Variants in CCDC6 observed in about 807,000 individuals in gnomAD.
The protein encoded by CCDC6 is coiled-coil domain-containing protein 6.
In CCDC6, 20 loss-of-function variants were observed where a neutral mutation model predicts 56.6. The observed-to-expected ratio is 0.35, with a 90% CI of 0.25 to 0.51. CCDC6 has a LOEUF of 0.51. Ranked by LOEUF, CCDC6 falls within the 20% of genes least tolerant of loss-of-function variation. The pLI is 0.95. For missense variants in CCDC6, 367 were observed against 601.1 expected (o/e 0.61, Z 4.07); for synonymous variants, 241 against 234.4 (o/e 1.03, Z -0.26).
intron 1 of CCDC6, among the ~76,000 whole-genome samples, chr10:59,900,825 G>C (rs1373689188): frequency 6.6e-6 from 1 of 152,220 alleles, no homozygotes; most frequent in Non-Finnish European, 1.5e-5. Flanking sequence ...TTGGGAGGCA[G>C]AGGTGGGTGG....
intron 5 of CCDC6, among the ~76,000 whole-genome samples, chr10:59,808,845 G>C (rs1041487702): frequency 3.9e-5 from 6 of 152,268 alleles, no homozygotes; most frequent in African/African-American, 1.4e-4. Flanking sequence ...TGATTTCCAA[G>C]ACAGCATCAT....
intron 2 of CCDC6, among the ~76,000 whole-genome samples, chr10:59,836,513 A>T (rs188268747): frequency 1.4e-4 from 21 of 152,360 alleles, no homozygotes; most frequent in African/African-American, 5.0e-4. Context: ...CTTCCAATAA[A>T]GTCAAAGATC....
At chr10:59,824,737 C>CG (rs1326983489) in intron 3 of CCDC6, among the ~76,000 whole-genome samples, 1 of 152,058 alleles carries the variant, frequency 6.6e-6, no homozygotes, top group Non-Finnish European at 1.5e-5. Flanking sequence ...TCTAGGGGAA[C>CG]GGCAATCTAG....
chr10:59,868,835 G>A (rs2132666746), intron 1 of CCDC6, among the ~76,000 whole-genome samples: 1 of 152,270 alleles, frequency 6.6e-6, no homozygotes, highest in Middle Eastern at 3.4e-3. Context: ...ATGCCACATT[G>A]GGGGAATTAA....
chr10:59,874,056 T>A (rs1396004059), intron 1 of CCDC6, among the ~76,000 whole-genome samples: 1 of 151,410 alleles, frequency 6.6e-6, no homozygotes, highest in Non-Finnish European at 1.5e-5. Context: ...GAAAACGAAG[T>A]GAAAGAATGG....
chr10:59,881,249 G>A (rs1251667729), intron 1 of CCDC6, among the ~76,000 whole-genome samples: 2 of 152,096 alleles, frequency 1.3e-5, no homozygotes, highest in Non-Finnish European at 2.9e-5. Flanking sequence ...AGTCACCCCA[G>A]CCCAGAGAAT....
chr10:59,802,042 T>C (rs1371554979), intron 7 of CCDC6, among the ~76,000 whole-genome samples: 2 of 152,192 alleles, frequency 1.3e-5, no homozygotes, highest in Non-Finnish European at 2.9e-5. Context: ...ACCTATTTTT[T>C]AGACCTCATT....
Position 59,794,552 on chromosome 10 carries a change from G to A in CCDC6, c.1151C>T (p.Ser384Leu). Residue 384 changes from serine to leucine, a missense_variant, in exon 8 of 9, where the codon TCA becomes TTA. Ser to Leu is a moderately radical substitution (Grantham distance 145). Around this residue, in one of 7 missense-constraint regions of CCDC6, gnomAD observed 79 missense variants for 83.9 expected, o/e 0.94. Transcript: ENST00000263102. ...SHTVGFTPPTSLTRAGMSYYN... is the reference protein window; with the variant it reads ...SHTVGFTPPTLLTRAGMSYYN... ...ATAAGACATTCCAGCTCTAGTCAGT[G>A]AAGTTGGTGGCGTGAAACCAACCGT... 1.2e-6 allele frequency: 2 copies of A among 1,613,918 alleles called. No individual in the cohort carries two copies. Among genetic ancestry groups the A allele is most frequent in the Non-Finnish European group, 1.7e-6 (2 of 1,179,758 alleles).
In CCDC6 at chr10:59,792,589, A is replaced by C. The variant is rs770737539; in HGVS notation, c.*328T>G. On this transcript the variant is annotated 3_prime_UTR_variant, in exon 9 of 9. Coordinates refer to ENST00000263102, the MANE Select transcript of CCDC6 (RefSeq NM_005436.5). ...TCCCTTTTTCTTTTACAAACCTAAA[A>C]GCCAGGAGAATGAAGCTCTGGGCCA... is the stretch of plus-strand genomic sequence containing the variant. 1.5e-6 allele frequency: 1 copy of C among 651,842 alleles called. No individual in the cohort carries two copies. The highest frequency in any genetic ancestry group is 2.9e-6 in the Non-Finnish European group (1 of 346,728). The allele number at this position is 651,842 out of a possible 1,614,324, so 40.4% of individuals were successfully genotyped here.
rs2070683415 is a variant in CCDC6 at position 59,812,794 on chromosome 10, T to C, written c.688A>G (p.Ile230Val). ...RMDKLEAEKR[I>V]LQEKLDQPVS... ...GGCTGGTCTAATTTTTCCTGCAGGATTCTTCATTGAAAAGAAAAATTCCAA... is the reference window on the plus strand; with the variant it reads ...GGCTGGTCTAATTTTTCCTGCAGGACTCTTCATTGAAAAGAAAAATTCCAA... The change falls in exon 5 of 9, where the codon ATC (isoleucine) becomes GTC (valine). Residue 230 changes from isoleucine to valine, a missense_variant and splice_region_variant. By Grantham distance (29) the Ile-to-Val change is conservative. Around this residue, in one of 7 missense-constraint regions of CCDC6, gnomAD observed 31 missense variants for 124.2 expected, o/e 0.25. Transcript: ENST00000263102. The C allele has an allele frequency of 1.3e-6, 2 of 1,588,270 alleles. No individual in the cohort carries two copies. The highest frequency in any genetic ancestry group is 1.7e-6 in the Non-Finnish European group (2 of 1,166,168).
At chr10:59,815,961 T>C (rs1007804599) in intron 3 of CCDC6, among the ~76,000 whole-genome samples, 1 of 152,208 alleles carries the variant, frequency 6.6e-6, no homozygotes, top group Non-Finnish European at 1.5e-5. Flanking sequence ...GGTTTTACTT[T>C]TACAGCCAAA....
chr10:59,842,299 G>A (rs759913236), intron 2 of CCDC6, among the ~76,000 whole-genome samples: 6 of 150,970 alleles, frequency 4.0e-5, no homozygotes, highest in East Asian at 2.0e-4. Context: ...TGCCCATCTC[G>A]GCCTCCCAAA....
At chr10:59,840,610 G>A (rs890374582) in intron 2 of CCDC6, among the ~76,000 whole-genome samples, 2 of 152,176 alleles carry the variant, frequency 1.3e-5, no homozygotes, top group African/African-American at 2.4e-5. Context: ...CTGTCCCACT[G>A]CCTTGTCTGT....
chr10:59,792,786 G>A lies in CCDC6; in HGVS notation c.*131C>T, dbSNP rs753996114. ...TTCTGACAAACATTTACAACACAAT[G>A]GATAGTGAAGCCTAGATAACCTCAG... On this transcript the variant is annotated 3_prime_UTR_variant, in exon 9 of 9. Transcript: ENST00000263102. 1 of 937,574 alleles carries A rather than the reference G, an allele frequency of 1.1e-6. No homozygotes were observed. Among genetic ancestry groups the A allele is most frequent in the Non-Finnish European group, 1.8e-6 (1 of 570,474 alleles). 58.1% of individuals were successfully genotyped at this position (937,574 alleles called of 1,614,324 possible).
chr10:59,850,270 G>A (rs570400664), intron 2 of CCDC6, among the ~76,000 whole-genome samples: 1 of 152,280 alleles, frequency 6.6e-6, no homozygotes, highest in East Asian at 1.9e-4. Context: ...AGTGCTGACG[G>A]CTGCACAACA....
At chr10:59,900,126 C>T (rs2071494175) in intron 1 of CCDC6, among the ~76,000 whole-genome samples, 1 of 151,990 alleles carries the variant, frequency 6.6e-6, no homozygotes, top group Non-Finnish European at 1.5e-5. Context: ...ATGTGATGAA[C>T]AAGGCAAATT....
intron 1 of CCDC6, among the ~76,000 whole-genome samples, chr10:59,860,842 A>T (rs563642709): frequency 4.3e-4 from 66 of 152,286 alleles, no homozygotes; most frequent in Middle Eastern, 6.8e-3. Context: ...GAGGTTCAGG[A>T]GTTCAAGACG....
chr10:59,893,645 TACATAC>T (rs1297744110), intron 1 of CCDC6, among the ~76,000 whole-genome samples: 1 of 127,034 alleles, frequency 7.9e-6, no homozygotes. Flanking sequence ...CATACATACA[TACATAC>T]ATACATACAT....
chr10:59,879,597 G>C (rs1397707327), intron 1 of CCDC6, among the ~76,000 whole-genome samples: 2 of 151,796 alleles, frequency 1.3e-5, no homozygotes, highest in African/African-American at 4.8e-5. Flanking sequence ...ATCCCATCTC[G>C]GCAAAATTGA....
Sources: allele counts gnomAD v4.1 joint callset (sites outside exome capture counted in the v4.1 genomes callset), GRCh38; gene constraint gnomAD v4.1.1; regional missense constraint gnomAD v4.1.1; transcripts MANE v1.5; gene names NCBI Gene and HGNC (gene_info 2026-07-23, HGNC 2026-07-21).